The following FSD2 variants were observed in gnomAD, a reference collection of about 807,000 sequenced individuals.
FSD2 encodes fibronectin type III and SPRY domain containing 2, also known as fibronectin type III and SPRY domain-containing protein 2.
FSD2 carries 71 observed loss-of-function variants against 80.4 expected under a neutral mutation model. The ratio of observed to expected loss-of-function variants is 0.88; its 90% confidence interval spans 0.73 to 1.08. The LOEUF (loss-of-function observed/expected upper bound fraction) is 1.08. FSD2 is among the 50% of genes least tolerant of loss of function. The probability of loss-of-function intolerance (pLI) is 0.00; values close to 1 mark genes in which losing one functional copy is unlikely to be tolerated. For missense variants in FSD2, 923 were observed against 913.8 expected, an observed-to-expected ratio of 1.01 and a Z score of -0.13; for synonymous variants, 361 against 329.5, an observed-to-expected ratio of 1.10 and a Z score of -1.03.
In FSD2 at chr15:82,755,590, GGT is replaced by G. The variant is rs557653693; in HGVS notation, c.*3756_*3757del. ...TTTTTTTTTTTTTTTTTCTGGAACT[GGT>G]GATAGCAGAAAACAAGCAGTAAAGT... On this transcript the variant is annotated 3_prime_UTR_variant, in exon 13 of 13. Coordinates refer to ENST00000334574, the MANE Select transcript of FSD2 (RefSeq NM_001007122.4). The G allele has an allele frequency of 5.5e-4, 82 of 148,078 alleles. No homozygotes were observed. Among genetic ancestry groups the G allele is most frequent in the African/African-American group, 1.8e-3 (73 of 40,368 alleles). The allele number at this position is 148,078 out of a possible 1,614,324, so 9.2% of individuals were successfully genotyped here.
In FSD2 at chr15:82,759,435, A is replaced by G. The variant is rs1224619936; in HGVS notation, c.2163T>C (p.Phe721=). 16 of 1,613,828 alleles carry G rather than the reference A, an allele frequency of 9.9e-6. No individual in the cohort carries two copies. The highest frequency in any genetic ancestry group is 1.4e-5 in the Non-Finnish European group (16 of 1,179,790). ...LYTFSCQLHE[F]VHPCFSLEKP... ...TTTCCAAAGAAAAACAGGGATGCACAAATTCGTGAAGCTGACAACTAAATG... is the reference window on the plus strand; with the variant it reads ...TTTCCAAAGAAAAACAGGGATGCACGAATTCGTGAAGCTGACAACTAAATG... Residue 721 remains phenylalanine (F), a synonymous_variant, in exon 13 of 13, where the codon TTT becomes TTC. Transcript: ENST00000334574.
chr15:82,761,176 A>G (rs1174752642), intron 12 of FSD2, among the ~76,000 whole-genome samples: 5 of 152,230 alleles, frequency 3.3e-5, no homozygotes, highest in Admixed American at 2.0e-4. Flanking sequence ...GGCAGAGAGC[A>G]TTGGATGAAC....
chr15:82,790,209 CAAACAA>C (rs1203855893), intron 1 of FSD2, among the ~76,000 whole-genome samples: 1 of 137,648 alleles, frequency 7.3e-6, no homozygotes, highest in East Asian at 2.0e-4. Flanking sequence ...ACAACAACAA[CAAACAA>C]ACAAACAGTT....
At chr15:82,768,799 C>A in intron 9 of FSD2, 81 bp downstream of exon 9, 7 of 1,248,784 alleles carry the variant, frequency 5.6e-6, no homozygotes, top group Non-Finnish European at 7.1e-6. Flanking sequence ...ACCTTCTCTT[C>A]AGACTCCGTA....
At chr15:82,776,613 T>C (rs1268413242) in intron 6 of FSD2, among the ~76,000 whole-genome samples, 2 of 152,016 alleles carry the variant, frequency 1.3e-5, no homozygotes, top group African/African-American at 4.8e-5. Context: ...AAAAGTATCC[T>C]ACATTCATAG....
rs376563174 is a variant in FSD2, at chr15:82,765,232, G to T, written c.1754C>A (p.Thr585Lys). ...GGTTCTCCTTTCACTTCGTACAGCC[G>T]TAAGTCCGTCTTCAGAAATGGTCAG... is the stretch of plus-strand genomic sequence containing the variant. Reference protein sequence around the residue: ...PWLTISEDGLTAVRSERRTPA... With the variant: ...PWLTISEDGLKAVRSERRTPA... The change falls in exon 11 of 13, where the codon ACG (threonine) becomes AAG (lysine). Residue 585 changes from threonine (T) to lysine (K), a missense_variant. Thr to Lys is a moderately conservative substitution (Grantham distance 78). Transcript: ENST00000334574. 2.4e-5 allele frequency: 39 copies of T among 1,612,578 alleles called. No homozygotes were observed. The highest frequency in any genetic ancestry group is 3.1e-5 in the Non-Finnish European group (37 of 1,179,320).
chr15:82,784,706 T>G (rs2049955087), intron 3 of FSD2, among the ~76,000 whole-genome samples: 1 of 152,188 alleles, frequency 6.6e-6, no homozygotes, highest in African/African-American at 2.4e-5. Flanking sequence ...AGGTCTACCT[T>G]CATGGGAAAT....
chr15:82,768,374 ATCT>A (rs1380315155), intron 9 of FSD2, among the ~76,000 whole-genome samples: 1 of 152,162 alleles, frequency 6.6e-6, no homozygotes, highest in Admixed American at 6.5e-5. Flanking sequence ...CAGTTTAAAC[ATCT>A]TCTTTATCCA....
chr15:82,785,300 ATTATTTAT>A lies in FSD2; in HGVS notation c.735+1203_735+1210del, dbSNP rs10635621. 1.6e-3 allele frequency among the ~76,000 whole-genome samples: 237 copies of A among 147,022 alleles called. 3 individuals are homozygous for A. The highest frequency in any genetic ancestry group is 1.0e-2 in the South Asian group (46 of 4,602). On this transcript the variant is annotated intron_variant, in intron 3 of 12. Transcript: ENST00000334574. The stretch of plus-strand genomic sequence containing the variant: ...ATTGCTAACTAGACAAAGGCAATAC[ATTATTTAT>A]TTATTTATTTATTTATTTATTTATT...
At position 82,769,854 on chromosome 15, in the gene FSD2, C is replaced by T; in HGVS notation, c.1298G>A (p.Cys433Tyr). The T allele has an allele frequency of 1.2e-6, 2 of 1,613,784 alleles. No individual in the cohort carries two copies. The highest frequency in any genetic ancestry group is 8.5e-7 in the Non-Finnish European group (1 of 1,179,848). ...ATTTGGCACAAGGTTTGTCACTGAG[C>T]AATATGTTTCTTTGACAGTCACTGT... ...EFTVTVKETY[C>Y]SVTNLVPNTQ... is the part of the protein sequence containing the mutation. The change falls in exon 8 of 13, where the codon TGC becomes TAC. Residue 433 changes from cysteine to tyrosine, a missense_variant. Cys to Tyr is a radical substitution (Grantham distance 194). Coordinates refer to ENST00000334574, the MANE Select transcript of FSD2 (RefSeq NM_001007122.4).
At chr15:82,783,471 A>G (rs2049920149) in intron 3 of FSD2, among the ~76,000 whole-genome samples, 1 of 152,186 alleles carries the variant, frequency 6.6e-6, no homozygotes, top group Admixed American at 6.6e-5. Flanking sequence ...TTGTCCTCTC[A>G]TCTCTTGTTG....
In FSD2 at chr15:82,787,037, T is replaced by C; in HGVS notation, c.354A>G (p.Arg118=). The change falls in exon 2 of 13, where the codon AGA becomes AGG. Residue 118 remains arginine (R), a synonymous_variant. Transcript: ENST00000334574. ...MKRRDPAREQ[R]DWRLSGEAAE... The stretch of plus-strand genomic sequence containing the variant: ...CTGCCTCTCCACTAAGTCTCCAGTC[T>C]CTCTGCTCCCTGGCTGGGTCTCTCC... 3 of 1,613,984 alleles carry C rather than the reference T, an allele frequency of 1.9e-6. No homozygotes were observed. The highest frequency in any genetic ancestry group is 2.5e-6 in the Non-Finnish European group (3 of 1,179,894).
At chr15:82,789,937 G>A (rs528762953) in intron 1 of FSD2, among the ~76,000 whole-genome samples, 1 of 152,106 alleles carries the variant, frequency 6.6e-6, no homozygotes, top group Non-Finnish European at 1.5e-5. Context: ...AGCACTTTTG[G>A]AGGCCAAGAT....
At chr15:82,789,868 C>A (rs1461690293) in intron 1 of FSD2, among the ~76,000 whole-genome samples, 2 of 152,078 alleles carry the variant, frequency 1.3e-5, no homozygotes, top group East Asian at 3.9e-4. Flanking sequence ...CCAGCCTGGG[C>A]AACATAGCAA....
chr15:82,796,326 T>C (rs2050269377), intron 1 of FSD2: 1 of 153,936 alleles, frequency 6.5e-6, no homozygotes. Flanking sequence ...ACCCACATCA[T>C]GGCAAACGGA....
chr15:82,793,339 C>T (rs779204307), intron 1 of FSD2, among the ~76,000 whole-genome samples: 6 of 151,072 alleles, frequency 4.0e-5, no homozygotes, highest in Admixed American at 1.3e-4. Flanking sequence ...TTTTTTTTCA[C>T]GTCAAGAAAT....
At chr15:82,801,327 G>A (rs909835755) in intron 1 of FSD2, among the ~76,000 whole-genome samples, 6 of 152,088 alleles carry the variant, frequency 3.9e-5, no homozygotes, top group South Asian at 2.1e-4. Flanking sequence ...CCAGTTAATC[G>A]TGGCTACACC....
intron 1 of FSD2, among the ~76,000 whole-genome samples, chr15:82,802,640 AG>A (rs1360634618): frequency 6.6e-6 from 1 of 152,146 alleles, no homozygotes; most frequent in Non-Finnish European, 1.5e-5. Flanking sequence ...AGAACCTGAG[AG>A]GATGGGAGGG....
chr15:82,787,989 C>T (rs2050044639), intron 1 of FSD2, among the ~76,000 whole-genome samples: 1 of 151,930 alleles, frequency 6.6e-6, no homozygotes, highest in African/African-American at 2.4e-5. Flanking sequence ...TATGTTGGAA[C>T]TCCTGACCTC....
Sources: allele counts gnomAD v4.1 joint callset (sites outside exome capture counted in the v4.1 genomes callset), GRCh38; gene constraint gnomAD v4.1.1; transcripts MANE v1.5; gene names NCBI Gene and HGNC (gene_info 2026-07-23, HGNC 2026-07-21).